The following PTPRN2 variants were observed in gnomAD, a reference collection of about 807,000 sequenced individuals.
The protein encoded by PTPRN2 is protein tyrosine phosphatase receptor type N2.
A neutral mutation model predicts 118.8 loss-of-function variants in PTPRN2; 74 were observed. That is an observed-to-expected ratio of 0.62 (90% CI 0.52 to 0.76). PTPRN2 has a LOEUF of 0.76. Among genes scored for constraint, PTPRN2 ranks in the 30% least tolerant of loss-of-function variants. The probability of loss-of-function intolerance (pLI) is 0.00; values close to 1 mark genes in which losing one functional copy is unlikely to be tolerated. For synonymous variants in PTPRN2, 641 were observed against 608.0 expected (o/e 1.05, Z -0.80); for missense variants, 1,481 against 1,394.4 (o/e 1.06, Z -0.99).
rs112394019 is a variant in PTPRN2 at position 158,511,292 on chromosome 7, C to T, written c.113-21507G>A. Among the ~76,000 whole-genome samples the T allele has an allele frequency of 5.8e-4, 89 of 152,278 alleles. 1 individual carries two copies. The highest frequency in any genetic ancestry group is 2.0e-3 in the African/African-American group (84 of 41,542). On this transcript the variant is annotated intron_variant, in intron 1 of 22. Coordinates refer to ENST00000389418, the MANE Select transcript of PTPRN2 (RefSeq NM_002847.5). ...CTATTTGCACTTCAAGTTTTACCCC[C>T]TATCCTGGGTCCTGGGCCAAGACCT...
At chr7:158,146,763 A>G (rs1326427933) in intron 6 of PTPRN2, among the ~76,000 whole-genome samples, 3 of 150,838 alleles carry the variant, frequency 2.0e-5, no homozygotes, top group Non-Finnish European at 4.4e-5. Context: ...ATAGAAAATT[A>G]AAAGCTTCAT....
intron 12 of PTPRN2, among the ~76,000 whole-genome samples, chr7:157,825,507 CCTGA>C (rs1184194116): frequency 5.3e-5 from 8 of 152,228 alleles, no homozygotes; most frequent in African/African-American, 7.2e-5. Flanking sequence ...TCACACTAAT[CCTGA>C]CTAATACACA....
chr7:157,733,976 G>A (rs1348232725), intron 12 of PTPRN2, among the ~76,000 whole-genome samples: 1 of 59,436 alleles, frequency 1.7e-5, no homozygotes, highest in African/African-American at 6.5e-5. Flanking sequence ...ACCCTTTCCC[G>A]TCCCATGCGC....
In PTPRN2 at chr7:158,489,677, C is replaced by G. The variant is rs1199080347; in HGVS notation, c.163+58G>C. ...GCGGGGCTCACCAGGCTGGGCGCTG[C>G]GCACGGCGGGCAGGAGAGGGGCAGA... On this transcript the variant is annotated intron_variant, in intron 2 of 22. Coordinates refer to ENST00000389418, the MANE Select transcript of PTPRN2 (RefSeq NM_002847.5). 12 of 1,510,624 alleles carry G rather than the reference C, an allele frequency of 7.9e-6. No individual in the cohort carries two copies. In the African/African-American group the frequency reaches 1.4e-4, roughly 18 times the overall value. 93.6% of individuals were successfully genotyped at this position (1,510,624 alleles called of 1,614,324 possible).
intron 2 of PTPRN2, among the ~76,000 whole-genome samples, chr7:158,341,486 A>G (rs1440889573): frequency 8.7e-5 from 11 of 126,246 alleles, no homozygotes; most frequent in African/African-American, 2.4e-4. Context: ...CACTCTCACC[A>G]TAATTGGTGA....
rs868079740 is a variant in PTPRN2 at position 158,340,593 on chromosome 7, G to A, written c.164-23661C>T. On this transcript the variant is annotated intron_variant, in intron 2 of 22. Coordinates refer to ENST00000389418, the MANE Select transcript of PTPRN2 (RefSeq NM_002847.5). ...CTCACCATAAGAGCCGACGCCCGCA[G>A]ACATCACTCACACCCACACACGTCA... Among the ~76,000 whole-genome samples, 1,110 of 112,168 alleles carry A rather than the reference G, an allele frequency of 9.9e-3. 4 individuals are homozygous for A. Among genetic ancestry groups the A allele is most frequent in the African/African-American group, 0.035 (1,051 of 29,862 alleles). 73.6% of individuals were successfully genotyped at this position (112,168 alleles called of 152,430 possible).
chr7:157,631,706 C>T (rs897677036), intron 14 of PTPRN2, among the ~76,000 whole-genome samples: 2 of 152,178 alleles, frequency 1.3e-5, no homozygotes, highest in African/African-American at 4.8e-5. Flanking sequence ...GTGGTGGGCA[C>T]CTGTAGTCCC....
chr7:158,365,224 C>T (rs969589319), intron 2 of PTPRN2, among the ~76,000 whole-genome samples: 7 of 152,218 alleles, frequency 4.6e-5, no homozygotes, highest in Non-Finnish European at 8.8e-5. Flanking sequence ...CCACAGTCAC[C>T]GCACAAAGTC....
At chr7:158,055,237 G>C (rs1809695751) in intron 11 of PTPRN2, among the ~76,000 whole-genome samples, 1 of 152,220 alleles carries the variant, frequency 6.6e-6, no homozygotes, top group South Asian at 2.1e-4. Context: ...GACACAGTGA[G>C]AAGTGACCAG....
chr7:158,521,041 A>G (rs1921304), intron 1 of PTPRN2, among the ~76,000 whole-genome samples: 102,398 of 152,206 alleles, frequency 0.67, 34,636 homozygotes, highest in South Asian at 0.8. Flanking sequence ...TGCTGCAGCC[A>G]GGACCTTATT....
chr7:157,571,264 C>A (rs1185224914), intron 20 of PTPRN2, among the ~76,000 whole-genome samples, 176 bp downstream of exon 20: 2 of 150,718 alleles, frequency 1.3e-5, no homozygotes, highest in African/African-American at 2.4e-5. Context: ...ACAAGCAACG[C>A]CCAATTGTAT....
At chr7:157,662,831 C>T (rs1195498252) in intron 13 of PTPRN2, among the ~76,000 whole-genome samples, 1 of 152,160 alleles carries the variant, frequency 6.6e-6, no homozygotes, top group Non-Finnish European at 1.5e-5. Context: ...TGGGATGTAC[C>T]CGATGTCTAC....
At chr7:157,909,448 G>A (rs1383091507) in intron 11 of PTPRN2, among the ~76,000 whole-genome samples, 1 of 152,234 alleles carries the variant, frequency 6.6e-6, no homozygotes, top group Non-Finnish European at 1.5e-5. Flanking sequence ...GCCCTGCGCT[G>A]GCGCATCTCA....
intron 1 of PTPRN2, among the ~76,000 whole-genome samples, chr7:158,572,807 A>G (rs1465662432): frequency 6.6e-6 from 1 of 152,232 alleles, no homozygotes; most frequent in Non-Finnish European, 1.5e-5. Flanking sequence ...CTTCAGTAAA[A>G]AATTATTAAG....
chr7:158,550,426 G>A (rs1348803511), intron 1 of PTPRN2, among the ~76,000 whole-genome samples: 6 of 152,234 alleles, frequency 3.9e-5, no homozygotes, highest in Non-Finnish European at 8.8e-5. Context: ...CACTAGGCCT[G>A]AGTGCTTTAA....
At chr7:157,710,756 C>T (rs538628808) in intron 12 of PTPRN2, among the ~76,000 whole-genome samples, 5 of 115,766 alleles carry the variant, frequency 4.3e-5, no homozygotes, top group Admixed American at 1.7e-4. Flanking sequence ...GCCCTCAGCC[C>T]GCCCATGTGC....
chr7:157,886,866 AC>A (rs372271790), intron 12 of PTPRN2, among the ~76,000 whole-genome samples: 2 of 147,394 alleles, frequency 1.4e-5, no homozygotes, highest in African/African-American at 2.5e-5. Flanking sequence ...AGCCAAGCCC[AC>A]CACGGTGGGG....
At chr7:157,753,833 C>G (rs1801627579) in intron 12 of PTPRN2, among the ~76,000 whole-genome samples, 1 of 152,210 alleles carries the variant, frequency 6.6e-6, no homozygotes, top group Admixed American at 6.5e-5. Flanking sequence ...CTCCCCATCC[C>G]CCACCGGTTC....
chr7:157,540,748 T>A lies in PTPRN2; in HGVS notation c.3014A>T (p.Glu1005Val). 1.9e-6 allele frequency: 3 copies of A among 1,569,368 alleles called. No individual in the cohort carries two copies. Among genetic ancestry groups the A allele is most frequent in the Non-Finnish European group, 2.6e-6 (3 of 1,157,094 alleles). Residue 1005 changes from glutamate (E) to valine (V), a missense_variant, in exon 23 of 23, where the codon GAG (glutamate) becomes GTG (valine). By Grantham distance (121) the Glu-to-Val change is moderately radical. Around this residue, in one of 3 missense-constraint regions of PTPRN2, gnomAD observed 362 missense variants for 384.1 expected, o/e 0.94. Coordinates refer to ENST00000389418, the MANE Select transcript of PTPRN2 (RefSeq NM_002847.5). ...AAGGGCCTTGAGGATGGCGTTCACC[T>A]CCTCAGCCACGGCTGTCAGCGCGAA... ...FEFALTAVAEEVNAILKALPQ is the reference protein window; with the variant it reads ...FEFALTAVAEVVNAILKALPQ
Sources: allele counts gnomAD v4.1 joint callset (sites outside exome capture counted in the v4.1 genomes callset), GRCh38; gene constraint gnomAD v4.1.1; regional missense constraint gnomAD v4.1.1; transcripts MANE v1.5; gene names NCBI Gene and HGNC (gene_info 2026-07-23, HGNC 2026-07-21).